SPATA6: variants seen among roughly 807,000 people sequenced by gnomAD.
SPATA6 encodes spermatogenesis associated 6.
Under a neutral mutation model 65.3 loss-of-function variants are expected in SPATA6, and 56 were observed. The observed-to-expected ratio is 0.86, with a 90% CI of 0.69 to 1.07. SPATA6 has a LOEUF of 1.07. SPATA6 is among the 50% of genes least tolerant of loss of function. SPATA6 has a pLI of 0.00. For missense variants in SPATA6, 590 were observed against 594.8 expected (o/e 0.99, Z 0.08); for synonymous variants, 199 against 213.2 (o/e 0.93, Z 0.58).
intron 9 of SPATA6, among the ~76,000 whole-genome samples, chr1:48,378,883 C>T (rs1019135166): frequency 2.6e-5 from 4 of 152,122 alleles, no homozygotes; most frequent in South Asian, 2.1e-4. Context: ...GTAGTATATG[C>T]ACACACATAC....
intron 3 of SPATA6, among the ~76,000 whole-genome samples, chr1:48,433,238 T>C (rs1266853629): frequency 2.0e-5 from 3 of 152,156 alleles, no homozygotes; most frequent in Non-Finnish European, 4.4e-5. Flanking sequence ...TATAAATGTA[T>C]TTAATACCAC....
intron 11 of SPATA6, chr1:48,325,289 T>C (rs1308023333): frequency 4.8e-6 from 5 of 1,045,896 alleles, no homozygotes; most frequent in Non-Finnish European, 5.7e-6. Flanking sequence ...TGCTGTCTTG[T>C]GGAAACTGGG....
intron 9 of SPATA6, among the ~76,000 whole-genome samples, chr1:48,380,739 C>T (rs150789644): frequency 1.0e-3 from 158 of 152,164 alleles, no homozygotes; most frequent in African/African-American, 3.7e-3. Context: ...GTGTGTAGAA[C>T]AAATACCAAT....
At chr1:48,278,493 T>C in the SPATA6 span, among the ~76,000 whole-genome samples, 1 of 152,146 alleles carries the variant, frequency 6.6e-6, no homozygotes, top group East Asian at 1.9e-4. Flanking sequence ...TTAAAGGAGC[T>C]GATGGAGCTG....
At chr1:48,275,122 A>T in the SPATA6 span, among the ~76,000 whole-genome samples, 1 of 152,184 alleles carries the variant, frequency 6.6e-6, no homozygotes, top group African/African-American at 2.4e-5. Flanking sequence ...GAGTTCACTC[A>T]TGATTTGGCT....
At chr1:48,344,580 A>G (rs1646310640) in intron 11 of SPATA6, among the ~76,000 whole-genome samples, 1 of 152,074 alleles carries the variant, frequency 6.6e-6, no homozygotes. Flanking sequence ...AAAGACAGAT[A>G]GGCAAGCTGG....
chr1:48,382,636 C>CG (rs1236212182), intron 9 of SPATA6, among the ~76,000 whole-genome samples: 5 of 69,316 alleles, frequency 7.2e-5, no homozygotes, highest in Non-Finnish European at 1.4e-4. Context: ...CCGACCCCCC[C>CG]CCCCCCGCCT....
chr1:48,364,452 C>T (rs192844124), intron 9 of SPATA6, among the ~76,000 whole-genome samples: 158 of 152,356 alleles, frequency 1.0e-3, no homozygotes, highest in African/African-American at 3.7e-3. Flanking sequence ...TACACATCCT[C>T]TCCAGCATCT....
chr1:48,417,819 C>T (rs992805673), intron 3 of SPATA6, among the ~76,000 whole-genome samples: 2 of 151,948 alleles, frequency 1.3e-5, no homozygotes, highest in African/African-American at 2.4e-5. Flanking sequence ...CAGAGCGAGA[C>T]TCCATCTCAA....
chr1:48,459,965 G>A (rs1314019980), intron 1 of SPATA6, among the ~76,000 whole-genome samples: 2 of 152,106 alleles, frequency 1.3e-5, no homozygotes, highest in Non-Finnish European at 2.9e-5. Context: ...TTTGTGGGAT[G>A]TAATTAAGTC....
chr1:48,418,921 A>G (rs1465922886), intron 3 of SPATA6, among the ~76,000 whole-genome samples: 2 of 150,986 alleles, frequency 1.3e-5, no homozygotes, highest in Non-Finnish European at 2.9e-5. Context: ...GGAAAGGGAA[A>G]GGGAAGGGAA....
At chr1:48,346,976 A>G (rs1251444653) in intron 11 of SPATA6, among the ~76,000 whole-genome samples, 1 of 152,078 alleles carries the variant, frequency 6.6e-6, no homozygotes, top group East Asian at 1.9e-4. Flanking sequence ...TTTAAAATTC[A>G]TATTAAACCA....
chr1:48,352,932 C>G (rs1646553589), intron 11 of SPATA6, among the ~76,000 whole-genome samples: 1 of 145,222 alleles, frequency 6.9e-6, no homozygotes, highest in South Asian at 2.2e-4. Flanking sequence ...TGACTTTTAA[C>G]CTAGAATTCT....
intron 6 of SPATA6, among the ~76,000 whole-genome samples, chr1:48,400,518 G>A (rs1047692037): frequency 5.3e-5 from 8 of 151,918 alleles, no homozygotes; most frequent in Non-Finnish European, 8.8e-5. Flanking sequence ...TTCAATTCAA[G>A]AAAATGGACT....
chr1:48,334,920 A>C (rs555715621), intron 11 of SPATA6, among the ~76,000 whole-genome samples: 1 of 152,328 alleles, frequency 6.6e-6, no homozygotes, highest in African/African-American at 2.4e-5. Context: ...TGAACTGATA[A>C]GCAACTTGAG....
At chr1:48,263,536 A>C in the SPATA6 span, among the ~76,000 whole-genome samples, 1 of 152,056 alleles carries the variant, frequency 6.6e-6, no homozygotes, top group Admixed American at 6.6e-5. Context: ...TTGTTTCCAT[A>C]CCTTTATGCC....
intron 3 of SPATA6, among the ~76,000 whole-genome samples, chr1:48,422,677 A>G (rs1352634141): frequency 6.6e-6 from 1 of 152,196 alleles, no homozygotes; most frequent in Non-Finnish European, 1.5e-5. Context: ...CATAAAGCCT[A>G]TCTGGAGAAA....
intron 1 of SPATA6, among the ~76,000 whole-genome samples, chr1:48,469,472 TTATATA>T (rs59371419): frequency 0.49 from 71,417 of 144,286 alleles, 17,806 homozygotes; most frequent in Middle Eastern, 0.66. Context: ...AAATATCTAT[TTATATA>T]TATATATATA....
chr1:48,277,496 G>C, the SPATA6 span, among the ~76,000 whole-genome samples: 1 of 152,208 alleles, frequency 6.6e-6, no homozygotes, highest in South Asian at 2.1e-4. Context: ...CTTTTCCGAC[G>C]GGCTTAAAAA....
Sources: gnomAD v4.1 joint callset for allele counts (sites outside exome capture counted in the v4.1 genomes callset) on GRCh38, gnomAD v4.1.1 for gene constraint, MANE v1.5 for transcripts, NCBI Gene and HGNC (gene_info 2026-07-23, HGNC 2026-07-21) for gene names.